The following TMEM45A variants were observed in gnomAD, a reference collection of about 807,000 sequenced individuals.
TMEM45A encodes transmembrane protein 45A, also known as DNA polymerase-transactivated protein 4.
In TMEM45A, 25 loss-of-function variants were observed where a neutral mutation model predicts 32.0. The observed-to-expected ratio is 0.78, with a 90% CI of 0.57 to 1.09. TMEM45A has a LOEUF of 1.09. Ranked by LOEUF, TMEM45A falls within the 50% of genes least tolerant of loss-of-function variation. The probability of loss-of-function intolerance (pLI) is 0.00; values close to 1 mark genes in which losing one functional copy is unlikely to be tolerated. For synonymous variants in TMEM45A, 122 were observed against 114.8 expected (o/e 1.06, Z -0.40); for missense variants, 302 against 325.0 (o/e 0.93, Z 0.54).
At chr3:100,498,668 A>G (rs1707968118) in intron 1 of TMEM45A, among the ~76,000 whole-genome samples, 1 of 152,180 alleles carries the variant, frequency 6.6e-6, no homozygotes. Context: ...TACTGGGAAT[A>G]ATGCTGCGAT....
At chr3:100,573,510 A>G (rs1199167216) in intron 5 of TMEM45A, 1 of 152,170 alleles carries the variant, frequency 6.6e-6, no homozygotes, top group Non-Finnish European at 1.5e-5. Context: ...GGCTGAGCTG[A>G]TGGGGTTTTC....
intron 1 of TMEM45A, among the ~76,000 whole-genome samples, chr3:100,530,222 T>G (rs546544186): frequency 1.3e-5 from 2 of 152,282 alleles, no homozygotes; most frequent in South Asian, 4.1e-4. Flanking sequence ...CAAAAGGTTG[T>G]GTGTGGGATG....
intron 1 of TMEM45A, among the ~76,000 whole-genome samples, chr3:100,494,550 A>G (rs1442405125): frequency 6.6e-6 from 1 of 152,140 alleles, no homozygotes; most frequent in Non-Finnish European, 1.5e-5. Flanking sequence ...TGAACCCAAG[A>G]GACAGAGATT....
At chr3:100,517,787 A>AAGTT (rs1708287529) in intron 1 of TMEM45A, among the ~76,000 whole-genome samples, 1 of 152,190 alleles carries the variant, frequency 6.6e-6, no homozygotes, top group African/African-American at 2.4e-5. Flanking sequence ...AATGATGAGC[A>AAGTT]AGTTAGCTTA....
chr3:100,543,716 AATTACAT>A (rs1321661077), intron 1 of TMEM45A, among the ~76,000 whole-genome samples: 2 of 152,188 alleles, frequency 1.3e-5, no homozygotes, highest in African/African-American at 4.8e-5. Context: ...CTAATTAAAA[AATTACAT>A]TCCCTAGTAC....
At chr3:100,512,194 C>A (rs1291877460) in intron 1 of TMEM45A, among the ~76,000 whole-genome samples, 1 of 152,156 alleles carries the variant, frequency 6.6e-6, no homozygotes, top group Non-Finnish European at 1.5e-5. Flanking sequence ...CCACACCACA[C>A]CTATTTCAAA....
At chr3:100,529,356 A>G (rs1174426482) in intron 1 of TMEM45A, among the ~76,000 whole-genome samples, 1 of 152,212 alleles carries the variant, frequency 6.6e-6, no homozygotes, top group Non-Finnish European at 1.5e-5. Context: ...AACATTTTAA[A>G]GTGCAAGCTT....
chr3:100,493,243 A>G (rs903703126), intron 1 of TMEM45A, among the ~76,000 whole-genome samples: 1 of 143,236 alleles, frequency 7.0e-6, no homozygotes, highest in Non-Finnish European at 1.5e-5. Flanking sequence ...TTATTTCTCT[A>G]TTTTCTTTCT....
intron 1 of TMEM45A, among the ~76,000 whole-genome samples, chr3:100,518,057 T>C (rs1038277863): frequency 2.6e-5 from 4 of 152,224 alleles, no homozygotes; most frequent in African/African-American, 9.6e-5. Context: ...GAGGGTCTGC[T>C]GGTTAGTTCC....
intron 4 of TMEM45A, among the ~76,000 whole-genome samples, chr3:100,563,130 C>A (rs1315928894): frequency 6.6e-6 from 1 of 152,230 alleles, no homozygotes; most frequent in Non-Finnish European, 1.5e-5. Context: ...CCATGCTGAT[C>A]TCCTAGCCAA....
chr3:100,498,045 CG>C (rs1559631693), intron 1 of TMEM45A, among the ~76,000 whole-genome samples: 1 of 152,154 alleles, frequency 6.6e-6, no homozygotes, highest in Non-Finnish European at 1.5e-5. Flanking sequence ...ATCATGGGGA[CG>C]GTTTCCCCCA....
rs1349035339 is a variant in TMEM45A, at chr3:100,568,990, T to C, written c.734+23T>C. ...CTGGTAAGTTAGCGATTTCTGTTAA[T>C]GGAAGTTCTGTTCCTTGGTATGTGA... On this transcript the variant is annotated intron_variant, in intron 5 of 5. Coordinates refer to ENST00000323523, the MANE Select transcript of TMEM45A (RefSeq NM_018004.3). The C allele has an allele frequency of 2.5e-6, 4 of 1,603,426 alleles. No homozygotes were observed. The South Asian group carries it at 3.3e-5, about 13-fold the overall frequency.
chr3:100,496,400 T>C (rs1002531153), intron 1 of TMEM45A, among the ~76,000 whole-genome samples: 4 of 152,160 alleles, frequency 2.6e-5, no homozygotes, highest in African/African-American at 9.7e-5. Context: ...GCAAAGGCAG[T>C]TTAAGAAATT....
At chr3:100,509,895 ACTG>A (rs1708131111) in intron 1 of TMEM45A, among the ~76,000 whole-genome samples, 1 of 152,188 alleles carries the variant, frequency 6.6e-6, no homozygotes, top group Non-Finnish European at 1.5e-5. Context: ...CCACCCGAAT[ACTG>A]CGCTTTTCCA....
At position 100,501,485 on chromosome 3, in the gene TMEM45A, T is replaced by C. The variant is rs187022063; in HGVS notation, c.-4+8557T>C. ...GTGAGCTGGTGTCCTTCATTGCTGA[T>C]GATGCTTAGAACTGGCCTCAAGCAG... On this transcript the variant is annotated intron_variant, in intron 1 of 5. Transcript: ENST00000323523. Among the ~76,000 whole-genome samples the C allele has an allele frequency of 2.6e-5, 4 of 152,302 alleles. No homozygotes were observed. In the East Asian group the frequency reaches 5.8e-4, roughly 22 times the overall value.
intron 1 of TMEM45A, among the ~76,000 whole-genome samples, chr3:100,546,516 A>G (rs1278079083): frequency 6.6e-6 from 1 of 152,230 alleles, no homozygotes; most frequent in Non-Finnish European, 1.5e-5. Flanking sequence ...TTACTACATC[A>G]TTAATGATCA....
rs4928062 is a variant in TMEM45A, at chr3:100,525,990, C to T, written c.-3-29219C>T. Among the ~76,000 whole-genome samples, 395 of 152,266 alleles carry T rather than the reference C, an allele frequency of 2.6e-3. 6 individuals are homozygous for T. The highest frequency in any genetic ancestry group is 0.021 in the Admixed American group (326 of 15,294). ...GTAGTGAATAACACTCGCATTTGTC[C>T]CTTGATTCCTTGTTCTCTCCCGCGG... is the stretch of plus-strand genomic sequence containing the variant. On this transcript the variant is annotated intron_variant, in intron 1 of 5. Transcript: ENST00000323523.
chr3:100,564,555 C>A (rs1314478618), intron 4 of TMEM45A, among the ~76,000 whole-genome samples: 1 of 151,692 alleles, frequency 6.6e-6, no homozygotes, highest in East Asian at 1.9e-4. Flanking sequence ...ACAATCTCAG[C>A]TCACTGCCAC....
rs928457762 is a variant in TMEM45A at position 100,576,966 on chromosome 3, T to C, written c.776T>C (p.Val259Ala). Residue 259 changes from valine to alanine, a missense_variant, in exon 6 of 6, where the codon GTT (valine) becomes GCT (alanine). Physicochemically the swap from Val to Ala is moderately conservative, Grantham distance 64. Transcript: ENST00000323523. ...CTTAAGAGGCTCTGCTCCTCAGAAG[T>C]TGGACTTCTGAAAAATGCTGAACGA... is the stretch of plus-strand genomic sequence containing the variant. ...SRLKRLCSSE[V>A]GLLKNAEREQ... is the part of the protein sequence containing the mutation. 2 of 1,613,656 alleles carry C rather than the reference T, an allele frequency of 1.2e-6. No homozygotes were observed. Among genetic ancestry groups the C allele is most frequent in the African/African-American group, 1.3e-5 (1 of 75,014 alleles).
Sources: allele counts gnomAD v4.1 joint callset (sites outside exome capture counted in the v4.1 genomes callset), GRCh38; gene constraint gnomAD v4.1.1; transcripts MANE v1.5; gene names NCBI Gene and HGNC (gene_info 2026-07-23, HGNC 2026-07-21).